Variants in GPR21 observed in about 807,000 individuals in gnomAD.
GPR21 encodes G protein-coupled receptor 21.
GPR21 carries 9 observed loss-of-function variants against 21.5 expected under a neutral mutation model. That is an observed-to-expected ratio of 0.42 (90% CI 0.25 to 0.73). The LOEUF is 0.73. GPR21 is among the 30% of genes least tolerant of loss of function. The pLI is 0.27. For synonymous variants in GPR21, 169 were observed against 159.3 expected (o/e 1.06, Z -0.46); for missense variants, 416 against 428.9 (o/e 0.97, Z 0.27).
the GPR21 span, among the ~76,000 whole-genome samples, chr9:123,045,941 C>T: frequency 1.3e-5 from 2 of 152,162 alleles, no homozygotes; most frequent in Admixed American, 1.3e-4. Context: ...TATTTCTTTG[C>T]CACACAGAGG....
At chr9:123,039,433 A>G (rs984133084), downstream of GPR21, among the ~76,000 whole-genome samples, 2 of 152,306 alleles carry the variant, frequency 1.3e-5, no homozygotes, top group Admixed American at 1.3e-4. Context: ...GAATGAATAA[A>G]TGACTCTGTA....
the GPR21 span, among the ~76,000 whole-genome samples, chr9:123,043,736 C>G: frequency 6.6e-6 from 1 of 151,816 alleles, no homozygotes; most frequent in East Asian, 1.9e-4. Context: ...CAGAAAATAG[C>G]AACTTAAGCA....
chr9:123,035,082 A>G lies in GPR21; in HGVS notation c.516A>G (p.Gly172=), dbSNP rs1445525442. 11 of 1,614,028 alleles carry G rather than the reference A, an allele frequency of 6.8e-6. No homozygotes were observed. Among genetic ancestry groups the G allele is most frequent in the Non-Finnish European group, 9.3e-6 (11 of 1,180,024 alleles). The change falls in exon 2 of 2, where the codon GGA becomes GGG. Residue 172 remains glycine (G), a synonymous_variant. Coordinates refer to ENST00000616002, the MANE Select transcript of GPR21 (RefSeq NM_005294.3). ...CCTTTTTCCACTGGGGCAAACCTGG[A>G]TATCATGGAGATGTGTTTCAGTGGT... ...LPSFFHWGKP[G]YHGDVFQWCA...
In GPR21 at chr9:123,035,040, C is replaced by G; in HGVS notation, c.474C>G (p.Thr158=). 6.2e-7 allele frequency: 1 copy of G among 1,613,998 alleles called. No individual in the cohort carries two copies. The highest frequency in any genetic ancestry group is 8.5e-7 in the Non-Finnish European group (1 of 1,179,908). The change falls in exon 2 of 2, where the codon ACC becomes ACG. Residue 158 remains threonine (T), a synonymous_variant. Transcript: ENST00000616002. ...LCIFLIWLYS[T]LVFLPSFFHW... ...TTTTCCTGATTTGGCTATACTCGACCCTGGTCTTCCTGCCTTCCTTTTTCC... is the reference window on the plus strand; with the variant it reads ...TTTTCCTGATTTGGCTATACTCGACGCTGGTCTTCCTGCCTTCCTTTTTCC...
chr9:123,043,818 G>T, the GPR21 span, among the ~76,000 whole-genome samples: 2 of 152,026 alleles, frequency 1.3e-5, no homozygotes, highest in Non-Finnish European at 2.9e-5. Context: ...TGCCTCTAAG[G>T]AATAGGGTAT....
chr9:123,034,960 A>C lies in GPR21; in HGVS notation c.394A>C (p.Thr132Pro). 6.2e-7 allele frequency: 1 copy of C among 1,613,732 alleles called. No individual in the cohort carries two copies. The highest frequency in any genetic ancestry group is 8.5e-7 in the Non-Finnish European group (1 of 1,179,660). The change falls in exon 2 of 2, where the codon ACT (threonine) becomes CCT (proline). Residue 132 changes from threonine (T) to proline (P), a missense_variant. Thr to Pro is a conservative substitution (Grantham distance 38). Transcript: ENST00000616002. Reference sequence around the variant, plus strand: ...CAGCATTGATAGATACATTGCCATTACTAAACCTTTAACCTATAATACTCT... The same window carrying C: ...CAGCATTGATAGATACATTGCCATTCCTAAACCTTTAACCTATAATACTCT... ...CISIDRYIAI[T>P]KPLTYNTLVT...
the GPR21 span, among the ~76,000 whole-genome samples, chr9:123,046,597 A>C: frequency 7.2e-5 from 11 of 152,188 alleles, no homozygotes; most frequent in Admixed American, 2.0e-4. Flanking sequence ...GAGTATTGTA[A>C]AGATTAAATG....
At chr9:123,041,610 G>T in the GPR21 span, among the ~76,000 whole-genome samples, 1 of 152,110 alleles carries the variant, frequency 6.6e-6, no homozygotes, top group African/African-American at 2.4e-5. Flanking sequence ...GGTATAATAT[G>T]GATAAAAAGA....
Position 123,035,127 on chromosome 9 carries a change from C to G in GPR21, c.561C>G (p.Thr187=). 6.2e-7 allele frequency: 1 copy of G among 1,613,672 alleles called. No homozygotes were observed. The highest frequency in any genetic ancestry group is 1.1e-5 in the South Asian group (1 of 91,054). ...VFQWCAESWH[T]DSYFTLFIVM... ...AGTGGTGTGCGGAGTCCTGGCACAC[C>G]GACTCCTACTTCACCCTGTTCATCG... Residue 187 remains threonine, a synonymous_variant, in exon 2 of 2, where the codon ACC becomes ACG. Transcript: ENST00000616002.
the GPR21 span, among the ~76,000 whole-genome samples, chr9:123,046,175 C>T: frequency 2.0e-5 from 3 of 152,064 alleles, no homozygotes; most frequent in Admixed American, 6.5e-5. Flanking sequence ...ATACAAATCT[C>T]GGACATTAGG....
chr9:123,045,342 T>G, the GPR21 span, among the ~76,000 whole-genome samples: 1 of 152,180 alleles, frequency 6.6e-6, no homozygotes, highest in Non-Finnish European at 1.5e-5. Context: ...CATTTGTGGG[T>G]CTCTTGTCTT....
In GPR21 at chr9:123,034,689, G is replaced by A. The variant is rs1473326065; in HGVS notation, c.123G>A (p.Leu41=). 6.2e-7 allele frequency: 1 copy of A among 1,612,950 alleles called. No homozygotes were observed. Among genetic ancestry groups the A allele is most frequent in the Admixed American group, 1.7e-5 (1 of 60,010 alleles). ...TGATTATTGTCTTTCTAACTGTATT[G>A]ATTATTTCTGGCAACATCATTGTGA... The part of the protein sequence containing the change: ...EVLIIVFLTV[L]IISGNIIVIF... The change falls in exon 2 of 2, where the codon TTG becomes TTA. Residue 41 remains leucine (L), a synonymous_variant. Transcript: ENST00000616002.
chr9:123,034,908 C>T lies in GPR21; in HGVS notation c.342C>T (p.Ser114=), dbSNP rs778973198. The T allele has an allele frequency of 3.7e-6, 6 of 1,612,402 alleles. No homozygotes were observed. The highest frequency in any genetic ancestry group is 4.5e-5 in the East Asian group (2 of 44,888). The change falls in exon 2 of 2, where the codon AGC becomes AGT. Residue 114 remains serine, a synonymous_variant. Coordinates refer to ENST00000616002, the MANE Select transcript of GPR21 (RefSeq NM_005294.3). ...IFGFVVSVLK[S]VSMASLACIS... ...GTTTTGTAGTATCAGTTCTGAAGAG[C>T]GTCTCCATGGCTTCTCTGGCCTGTA...
At chr9:123,045,690 C>T in the GPR21 span, among the ~76,000 whole-genome samples, 2 of 152,010 alleles carry the variant, frequency 1.3e-5, no homozygotes, top group South Asian at 4.2e-4. Context: ...AATAGTAAGG[C>T]TTTTAAAGTT....
chr9:123,041,562 T>A, the GPR21 span, among the ~76,000 whole-genome samples: 1 of 152,198 alleles, frequency 6.6e-6, no homozygotes, highest in African/African-American at 2.4e-5. Context: ...AGATTGAATA[T>A]GCATATTTCT....
Position 123,035,516 on chromosome 9 carries a change from G to A in GPR21, c.950G>A (p.Arg317His), listed in dbSNP as rs375632888. The A allele has an allele frequency of 6.2e-6, 10 of 1,613,512 alleles. No individual in the cohort carries two copies. The highest frequency in any genetic ancestry group is 2.2e-5 in the East Asian group (1 of 44,894). ...SNSVFQRGLK[R>H]LSGAMCTSCA... ...AGTGTATTCCAAAGAGGACTAAAGC[G>A]CCTCTCAGGGGCTATGTGTACTTCT... Residue 317 changes from arginine to histidine, a missense_variant, in exon 2 of 2, where the codon CGC becomes CAC. Physicochemically the swap from Arg to His is conservative, Grantham distance 29. Coordinates refer to ENST00000616002, the MANE Select transcript of GPR21 (RefSeq NM_005294.3).
downstream of GPR21, among the ~76,000 whole-genome samples, chr9:123,036,527 C>A (rs1451480167): frequency 6.6e-6 from 1 of 152,084 alleles, no homozygotes; most frequent in Admixed American, 6.6e-5. Flanking sequence ...ATTGTCTGTT[C>A]TTTCTATTCA....
chr9:123,047,919 G>GTTTTTTTTTT, the GPR21 span, among the ~76,000 whole-genome samples: 18 of 62,282 alleles, frequency 2.9e-4, 4 homozygotes, highest in Non-Finnish European at 4.3e-4. Flanking sequence ...CAGCTGCTGG[G>GTTTTTTTTTT]TTTTTTTTTT....
chr9:123,044,320 A>G, the GPR21 span, among the ~76,000 whole-genome samples: 1 of 152,234 alleles, frequency 6.6e-6, no homozygotes. Flanking sequence ...GAAATAGTAA[A>G]TGGGGGCATA....
Sources: allele counts gnomAD v4.1 joint callset (sites outside exome capture counted in the v4.1 genomes callset), GRCh38; gene constraint gnomAD v4.1.1; transcripts MANE v1.5; gene names NCBI Gene and HGNC (gene_info 2026-07-23, HGNC 2026-07-21).